The following ZNF540 variants were observed in gnomAD, a reference collection of about 807,000 sequenced individuals.
ZNF540 encodes the protein zinc finger protein 540, also known as CTD-3064H18.6.
Under a neutral mutation model 11.8 loss-of-function variants are expected in ZNF540, and 3 were observed. The ratio of observed to expected loss-of-function variants is 0.25; its 90% CI spans 0.12 to 0.65. The LOEUF is 0.65. ZNF540 is among the 30% of genes least tolerant of loss of function. The probability of loss-of-function intolerance (pLI) is 0.83; values close to 1 mark genes in which losing one functional copy is unlikely to be tolerated. For missense variants in ZNF540, 709 were observed against 793.1 expected, an observed-to-expected ratio of 0.89 and a Z score of 1.27; for synonymous variants, 247 against 259.0, an observed-to-expected ratio of 0.95 and a Z score of 0.45.
At chr19:37,581,117 G>A (rs1211270728) in intron 1 of ZNF540, among the ~76,000 whole-genome samples, 5 of 152,126 alleles carry the variant, frequency 3.3e-5, no homozygotes, top group East Asian at 1.9e-4. Context: ...GCCTTAAAAC[G>A]TGAGACCCCC....
Position 37,612,160 on chromosome 19 carries a change from A to G in ZNF540, c.880A>G (p.Thr294Ala). 6.2e-7 allele frequency: 1 copy of G among 1,611,704 alleles called. No individual in the cohort carries two copies. The highest frequency in any genetic ancestry group is 1.1e-5 in the South Asian group (1 of 90,734). The change falls in exon 5 of 5, where the codon ACT (threonine) becomes GCT (alanine). Residue 294 changes from threonine (T) to alanine (A), a missense_variant. Physicochemically the swap from Thr to Ala is moderately conservative, Grantham distance 58 (BLOSUM62 0). Coordinates refer to ENST00000316433, the MANE Select transcript of ZNF540 (RefSeq NM_001172225.3). ...ACTTACTCAACATAAAAGAATTCAT[A>G]CTGGTAAGAAATCTTATGAATGTAA... is the stretch of plus-strand genomic sequence containing the variant. ...LELTQHKRIH[T>A]GKKSYECKEC...
At chr19:37,601,315 T>C (rs2044038122) in intron 4 of ZNF540, among the ~76,000 whole-genome samples, 1 of 152,246 alleles carries the variant, frequency 6.6e-6, no homozygotes. Context: ...TTACCACCTG[T>C]CTTTGTTTTT....
chr19:37,560,378 T>C (rs2042704101), intron 1 of ZNF540: 1 of 144,332 alleles, frequency 6.9e-6, no homozygotes, highest in Admixed American at 6.9e-5. Flanking sequence ...ATGTAATGAT[T>C]TTTTTTTTTT....
chr19:37,599,392 A>C (rs1183637606), intron 2 of ZNF540, among the ~76,000 whole-genome samples: 1 of 152,186 alleles, frequency 6.6e-6, no homozygotes, highest in African/African-American at 2.4e-5. Context: ...GTAGTTAAAG[A>C]ACCCCATAAT....
Position 37,612,635 on chromosome 19 carries a change from CA to C in ZNF540, c.1356del (p.Val453SerfsTer12). 28 of 1,613,992 alleles carry C rather than the reference CA, an allele frequency of 1.7e-5. No individual in the cohort carries two copies. Among genetic ancestry groups the C allele is most frequent in the Non-Finnish European group, 2.4e-5 (28 of 1,179,986 alleles). On this transcript the variant is annotated frameshift_variant, in exon 5 of 5. Transcript: ENST00000316433. LOFTEE classifies it low-confidence loss of function (END_TRUNC). Reference sequence around the variant, plus strand: ...TGCGGGAAAGCCTTTATGCTTCGTTCAGTCCTTACTGAACATCAGAGACTTC... The same window carrying C: ...TGCGGGAAAGCCTTTATGCTTCGTTCGTCCTTACTGAACATCAGAGACTTC... ...KECGKAFMLR[S>X]VLTEHQRLHT...
chr19:37,581,281 G>GATT (rs1226789895), intron 1 of ZNF540, among the ~76,000 whole-genome samples: 1 of 151,916 alleles, frequency 6.6e-6, no homozygotes, highest in Admixed American at 6.6e-5. Flanking sequence ...TTTTAATAAT[G>GATT]ATTAGCACAA....
intron 1 of ZNF540, among the ~76,000 whole-genome samples, chr19:37,580,494 C>T (rs1298383075): frequency 6.6e-6 from 1 of 152,198 alleles, no homozygotes; most frequent in East Asian, 1.9e-4. Flanking sequence ...GGATATACAA[C>T]ATGAAATACC....
At chr19:37,586,799 A>G in intron 1 of ZNF540, 1 of 1,042,616 alleles carries the variant, frequency 9.6e-7, no homozygotes, top group Non-Finnish European at 1.5e-6. Flanking sequence ...CCCACAAAAT[A>G]AACTACTTAG....
Position 37,555,964 on chromosome 19 carries a change from GGTAA to G in ZNF540, c.-73+4303_-73+4306del, listed in dbSNP as rs1600439148. ...CATGTCCAATCAGGGCAGAAAAACT[GGTAA>G]GTATCTCGACAGCTAGTGTCAGGGT... On this transcript the variant is annotated intron_variant, in intron 1 of 4. Transcript: ENST00000592533. 2.7e-5 allele frequency: 19 copies of G among 701,034 alleles called. No individual in the cohort carries two copies. In the East Asian group the frequency reaches 4.8e-4, roughly 18 times the overall value. 43.4% of individuals were successfully genotyped at this position (701,034 alleles called of 1,614,324 possible).
In ZNF540 at chr19:37,612,866, G is replaced by A; in HGVS notation, c.1586G>A (p.Gly529Glu). The A allele has an allele frequency of 6.2e-7, 1 of 1,614,082 alleles. No homozygotes were observed. The highest frequency in any genetic ancestry group is 1.1e-5 in the South Asian group (1 of 91,080). The change falls in exon 5 of 5, where the codon GGA becomes GAA. Residue 529 changes from glycine to glutamate, a missense_variant. Physicochemically the swap from Gly to Glu is moderately conservative, Grantham distance 98. Transcript: ENST00000316433. ...AAGCCCTATAAATGTAAAGAATGTG[G>A]AAAGGCCTTTATTCGTAGAGGGAAT... ...GEKPYKCKEC[G>E]KAFIRRGNLK...
chr19:37,581,668 G>T (rs892046675), intron 1 of ZNF540, among the ~76,000 whole-genome samples: 3 of 151,650 alleles, frequency 2.0e-5, no homozygotes, highest in Admixed American at 1.3e-4. Context: ...TTGCTATGTT[G>T]CCCAGGCTGG....
In ZNF540 at chr19:37,613,737, A is replaced by T; in HGVS notation, c.*474A>T. ...CAATGGAGATGACAAATTTGGAAAA[A>T]CCACTCATCACTTACATTTCATGAA... On this transcript the variant is annotated 3_prime_UTR_variant, in exon 5 of 5. Coordinates refer to ENST00000316433, the MANE Select transcript of ZNF540 (RefSeq NM_001172225.3). 2.5e-6 allele frequency: 1 copy of T among 398,620 alleles called. No homozygotes were observed. The highest frequency in any genetic ancestry group is 3.6e-5 in the East Asian group (1 of 28,052). The allele number at this position is 398,620 out of a possible 1,614,324, so 24.7% of individuals were successfully genotyped here. A position where few individuals can be genotyped will look rare whatever the true frequency, so the allele number is the denominator to read the frequency against.
chr19:37,561,320 C>G (rs953825659), intron 1 of ZNF540, among the ~76,000 whole-genome samples: 9 of 152,112 alleles, frequency 5.9e-5, no homozygotes, highest in South Asian at 2.1e-4. Flanking sequence ...AGAAATTGTT[C>G]CTCTCTAGTG....
At chr19:37,568,317 A>ACC (rs5827983) in intron 1 of ZNF540, among the ~76,000 whole-genome samples, 5,821 of 141,700 alleles carry the variant, frequency 0.041, 137 homozygotes, top group South Asian at 0.051. Context: ...AAAAGCAACT[A>ACC]CCCCCCCCCA....
rs572424305 is a variant in ZNF540, at chr19:37,568,603, G to A, written c.-73+16938G>A. Among the ~76,000 whole-genome samples the A allele has an allele frequency of 8.8e-4, 134 of 152,278 alleles. 1 individual carries two copies. The highest frequency in any genetic ancestry group is 1.7e-3 in the Non-Finnish European group (114 of 68,026). On this transcript the variant is annotated intron_variant, in intron 1 of 4. Coordinates refer to the ZNF540 transcript ENST00000592533. Reference sequence around the variant, plus strand: ...GATTCTGGGGTAGGAGGCACTATGAGAACACAGGATGGTGCTAAACAGAAA... The same window carrying A: ...GATTCTGGGGTAGGAGGCACTATGAAAACACAGGATGGTGCTAAACAGAAA...
chr19:37,559,754 T>G (rs2042697791), intron 1 of ZNF540, among the ~76,000 whole-genome samples: 1 of 151,942 alleles, frequency 6.6e-6, no homozygotes, highest in Admixed American at 6.6e-5. Context: ...AAAAATAGGG[T>G]GATTATTAAA....
chr19:37,592,796 GAC>G (rs1480313623), upstream of ZNF540, among the ~76,000 whole-genome samples: 6 of 152,276 alleles, frequency 3.9e-5, no homozygotes, highest in East Asian at 1.2e-3. Context: ...CAAATTATAA[GAC>G]AGTACAAAGA....
intron 1 of ZNF540, chr19:37,566,492 G>A: frequency 3.5e-6 from 2 of 566,466 alleles, no homozygotes; most frequent in Non-Finnish European, 5.8e-6. Flanking sequence ...AAGGTAATTA[G>A]AAAAATAGGT....
At chr19:37,590,278 G>GT (rs2043829089), upstream of ZNF540, among the ~76,000 whole-genome samples, 1 of 151,956 alleles carries the variant, frequency 6.6e-6, no homozygotes, top group Admixed American at 6.6e-5. Flanking sequence ...TTAGCTGGGC[G>GT]TGGTGGTGGG....
Sources: allele counts gnomAD v4.1 joint callset (sites outside exome capture counted in the v4.1 genomes callset), GRCh38; gene constraint gnomAD v4.1.1; transcripts MANE v1.5; gene names NCBI Gene and HGNC (gene_info 2026-07-23, HGNC 2026-07-21).